BACH2: variants seen among roughly 807,000 people sequenced by gnomAD.
BACH2 encodes BACH transcriptional regulator 2, also known as transcription regulator protein BACH2.
BACH2 carries 5 observed loss-of-function variants against 61.8 expected under a neutral mutation model. The observed-to-expected ratio is 0.08, with a 90% CI of 0.04 to 0.17. The LOEUF (loss-of-function observed/expected upper bound fraction) is 0.17. Ranked by LOEUF, BACH2 falls within the 10% of genes least tolerant of loss-of-function variation. BACH2 has a pLI of 1.00. For synonymous variants in BACH2, 446 were observed against 440.1 expected (o/e 1.01, Z -0.17); for missense variants, 824 against 1,091.1 (o/e 0.76, Z 3.45).
chr6:89,935,026 A>G (rs573347685), intron 8 of BACH2, among the ~76,000 whole-genome samples: 2 of 152,322 alleles, frequency 1.3e-5, no homozygotes, highest in East Asian at 3.9e-4. Context: ...TGAAAAATAA[A>G]CAGATGTACA....
At chr6:90,224,874 T>C (rs1386640286) in intron 3 of BACH2, among the ~76,000 whole-genome samples, 1 of 152,170 alleles carries the variant, frequency 6.6e-6, no homozygotes. Flanking sequence ...CTCATTATCC[T>C]AAGAGCAGTG....
chr6:90,076,983 C>T (rs1161903338), intron 5 of BACH2, among the ~76,000 whole-genome samples: 1 of 152,180 alleles, frequency 6.6e-6, no homozygotes, highest in Non-Finnish European at 1.5e-5. Flanking sequence ...ATTAAACCAG[C>T]AATGCGGACA....
intron 5 of BACH2, among the ~76,000 whole-genome samples, chr6:90,075,857 A>G (rs1441486909): frequency 6.6e-6 from 1 of 152,130 alleles, no homozygotes; most frequent in African/African-American, 2.4e-5. Flanking sequence ...TTAAAAAATG[A>G]CTGTGACTAA....
At chr6:90,103,147 A>G (rs1782751259) in intron 4 of BACH2, among the ~76,000 whole-genome samples, 2 of 149,348 alleles carry the variant, frequency 1.3e-5, no homozygotes, top group African/African-American at 5.0e-5. Context: ...TGATTTGAGC[A>G]TGCATTTGCC....
chr6:89,992,370 G>A (rs1346104940), intron 6 of BACH2, among the ~76,000 whole-genome samples: 1 of 152,230 alleles, frequency 6.6e-6, no homozygotes, highest in Non-Finnish European at 1.5e-5. Flanking sequence ...GCCAGGCGAT[G>A]TGGCTCATGC....
chr6:89,956,315 C>G (rs1207265389), intron 6 of BACH2, among the ~76,000 whole-genome samples: 1 of 152,146 alleles, frequency 6.6e-6, no homozygotes, highest in African/African-American at 2.4e-5. Flanking sequence ...TCGGAGAAGG[C>G]AGAAAGTTAA....
At chr6:90,226,016 T>G (rs148342961) in intron 3 of BACH2, among the ~76,000 whole-genome samples, 57 of 152,260 alleles carry the variant, frequency 3.7e-4, no homozygotes, top group African/African-American at 1.3e-3. Context: ...TGGTCTGTTT[T>G]TGCAGACTCT....
intron 1 of BACH2, among the ~76,000 whole-genome samples, chr6:90,274,123 T>G (rs1381173083): frequency 6.6e-6 from 1 of 152,204 alleles, no homozygotes; most frequent in Non-Finnish European, 1.5e-5. Context: ...TATGACAATA[T>G]TCTGAAAAGG....
chr6:90,167,051 T>TATA (rs764909511), intron 4 of BACH2, among the ~76,000 whole-genome samples: 103 of 151,946 alleles, frequency 6.8e-4, no homozygotes, highest in African/African-American at 1.9e-3. Context: ...AAACTTAAAG[T>TATA]ATAATAATAA....
intron 6 of BACH2, among the ~76,000 whole-genome samples, chr6:89,977,306 C>T (rs1775704382): frequency 6.6e-6 from 1 of 152,078 alleles, no homozygotes; most frequent in East Asian, 1.9e-4. Flanking sequence ...TATCTTAATC[C>T]TAAATTCTGC....
At chr6:90,075,766 C>T (rs945309054) in intron 5 of BACH2, among the ~76,000 whole-genome samples, 3 of 152,078 alleles carry the variant, frequency 2.0e-5, no homozygotes, top group Admixed American at 6.6e-5. Context: ...TCACCAAGGA[C>T]AAAATATGAC....
chr6:90,126,524 A>G (rs1381035278), intron 4 of BACH2, among the ~76,000 whole-genome samples: 1 of 152,238 alleles, frequency 6.6e-6, no homozygotes, highest in Non-Finnish European at 1.5e-5. Flanking sequence ...GAAACAAAAG[A>G]GTGAACATGA....
chr6:90,241,511 A>C (rs1770452028), intron 3 of BACH2, among the ~76,000 whole-genome samples: 1 of 152,228 alleles, frequency 6.6e-6, no homozygotes, highest in South Asian at 2.1e-4. Context: ...CTCATCTACA[A>C]AATGGGAACT....
intron 5 of BACH2, among the ~76,000 whole-genome samples, chr6:90,079,110 T>C (rs1310156639): frequency 1.3e-5 from 2 of 152,190 alleles, no homozygotes; most frequent in East Asian, 1.9e-4. Flanking sequence ...TGGCGCCGCC[T>C]CTCTTTGGTG....
intron 4 of BACH2, among the ~76,000 whole-genome samples, chr6:90,099,110 G>T (rs937769171): frequency 2.0e-5 from 3 of 151,544 alleles, no homozygotes; most frequent in African/African-American, 4.9e-5. Context: ...TAATTCCTTT[G>T]TTTTTTCTCC....
chr6:89,986,348 C>A (rs961814492), intron 6 of BACH2, among the ~76,000 whole-genome samples: 1 of 151,866 alleles, frequency 6.6e-6, no homozygotes, highest in Admixed American at 6.6e-5. Context: ...CCTCCTACTG[C>A]GTTTTTGTTC....
intron 4 of BACH2, among the ~76,000 whole-genome samples, chr6:90,133,318 C>A (rs1017185203): frequency 1.3e-5 from 2 of 152,056 alleles, no homozygotes; most frequent in Non-Finnish European, 2.9e-5. Context: ...ATGTAACTGG[C>A]CCCTCTGGGT....
At chr6:90,188,781 C>T (rs962275226) in intron 4 of BACH2, among the ~76,000 whole-genome samples, 106 of 109,474 alleles carry the variant, frequency 9.7e-4, no homozygotes, top group African/African-American at 3.8e-3. Context: ...AAAAAAAAAG[C>T]GAAAGGGGAC....
chr6:90,096,923 T>C (rs1782404589), intron 4 of BACH2, among the ~76,000 whole-genome samples: 1 of 152,224 alleles, frequency 6.6e-6, no homozygotes, highest in Admixed American at 6.5e-5. Flanking sequence ...TCTCCTGTGG[T>C]CACATACCCT....
Sources: allele counts gnomAD v4.1 joint callset (sites outside exome capture counted in the v4.1 genomes callset), GRCh38; gene constraint gnomAD v4.1.1; transcripts MANE v1.5; gene names NCBI Gene and HGNC (gene_info 2026-07-23, HGNC 2026-07-21).